The following AASS variants were observed in gnomAD, a reference collection of about 807,000 sequenced individuals.
The protein encoded by AASS is aminoadipate-semialdehyde synthase, also known as alpha-aminoadipic semialdehyde synthase, mitochondrial.
Under a neutral mutation model 105.4 loss-of-function variants are expected in AASS, and 86 were observed. The observed-to-expected ratio is 0.82, with a 90% CI of 0.69 to 0.98. The LOEUF is 0.98. Ranked by LOEUF, AASS falls within the 50% of genes least tolerant of loss-of-function variation. AASS has a pLI of 0.00. For missense variants in AASS, 1,048 were observed against 1,143.2 expected, an observed-to-expected ratio of 0.92 and a Z score of 1.20; for synonymous variants, 381 against 394.8, an observed-to-expected ratio of 0.96 and a Z score of 0.41.
In AASS at chr7:122,104,769, A is replaced by G. The variant is rs1459595601; in HGVS notation, c.1279-3089T>C. Among the ~76,000 whole-genome samples, 4 of 152,052 alleles carry G rather than the reference A, an allele frequency of 2.6e-5. No homozygotes were observed. The East Asian group carries it at 7.7e-4, about 29-fold the overall frequency. On this transcript the variant is annotated intron_variant, in intron 11 of 23. Transcript: ENST00000417368. ...AGAAGGGAACAATAGAAACCAGGGT[A>G]TACTTGAGGGTGGAGGATGGGAGGA...
In AASS at chr7:122,113,652, G is replaced by T. The variant is rs756845651; in HGVS notation, c.1112C>A (p.Thr371Lys). Residue 371 changes from threonine to lysine, a missense_variant, in exon 10 of 24, where the codon ACA (threonine) becomes AAA (lysine). Transcript: ENST00000417368. ...ATACATGCAAAAGGGATGCTCTATT[G>T]TTGTACACTCAGTCATAAACTCTAT... ...GSIEFMTECT[T>K]IEHPFCMYDA... 1 of 1,613,574 alleles carries T rather than the reference G, an allele frequency of 6.2e-7. No individual in the cohort carries two copies. Among genetic ancestry groups the T allele is most frequent in the Middle Eastern group, 1.7e-4 (1 of 6,056 alleles).
intron 2 of AASS, among the ~76,000 whole-genome samples, chr7:122,132,677 A>C (rs1795964914): frequency 1.3e-5 from 2 of 152,154 alleles, no homozygotes; most frequent in African/African-American, 2.4e-5. Context: ...CATGCCAAAC[A>C]TTTTTGGCAT....
chr7:122,088,378 G>A (rs1348790546), intron 18 of AASS, among the ~76,000 whole-genome samples: 3 of 151,912 alleles, frequency 2.0e-5, no homozygotes, highest in Non-Finnish European at 4.4e-5. Context: ...GCCTTGTACT[G>A]GGCATTATCT....
intron 1 of AASS, among the ~76,000 whole-genome samples, chr7:122,142,437 T>C (rs2150561557): frequency 6.6e-6 from 1 of 152,240 alleles, no homozygotes; most frequent in African/African-American, 2.4e-5. Flanking sequence ...CCTTACATTA[T>C]TTTGGAAAAA....
Position 122,118,699 on chromosome 7 carries a change from T to G in AASS, c.473-69A>C, listed in dbSNP as rs576941690. The G allele has an allele frequency of 1.5e-4, 229 of 1,480,478 alleles. No individual in the cohort carries two copies. The African/African-American group carries it at 2.8e-3, about 18-fold the overall frequency. The allele number at this position is 1,480,478 out of a possible 1,614,324, so 91.7% of individuals were successfully genotyped here. A position where few individuals can be genotyped will look rare whatever the true frequency, so the allele number is the denominator to read the frequency against. Reference sequence around the variant, plus strand: ...AATTTAAGCTGTTCTCTCTGCTCGTTCTCCAATCTGCATGGTGCCCTGCAG... The same window carrying G: ...AATTTAAGCTGTTCTCTCTGCTCGTGCTCCAATCTGCATGGTGCCCTGCAG... On this transcript the variant is annotated intron_variant, in intron 4 of 23. Coordinates refer to ENST00000417368, the MANE Select transcript of AASS (RefSeq NM_005763.4).
At position 122,116,737 on chromosome 7, in the gene AASS, C is replaced by A; in HGVS notation, c.790G>T (p.Val264Leu). 6.2e-7 allele frequency: 1 copy of A among 1,614,040 alleles called. No individual in the cohort carries two copies. The highest frequency in any genetic ancestry group is 2.2e-5 in the East Asian group (1 of 44,868). The change falls in exon 8 of 24, where the codon GTG (valine) becomes TTG (leucine). Residue 264 changes from valine (V) to leucine (L), a missense_variant. Coordinates refer to ENST00000417368, the MANE Select transcript of AASS (RefSeq NM_005763.4). ...ACAAGATGATGATGACGACTTAACACCGTCCCATACACTTTTCTGAGGTCT... is the reference window on the plus strand; with the variant it reads ...ACAAGATGATGATGACGACTTAACAACGTCCCATACACTTTTCTGAGGTCT... ...TGDLRKVYGT[V>L]LSRHHHLVRK...
chr7:122,105,109 C>A (rs1794604901), intron 11 of AASS, among the ~76,000 whole-genome samples: 1 of 151,986 alleles, frequency 6.6e-6, no homozygotes, highest in African/African-American at 2.4e-5. Context: ...AAAAACTTAA[C>A]ACAAAAATTT....
intron 17 of AASS, 40 bp from the exon 18 acceptor site, chr7:122,091,883 A>T (rs1562911919): frequency 7.1e-7 from 1 of 1,400,044 alleles, no homozygotes; most frequent in African/African-American, 1.4e-5. Context: ...AGAATTCACA[A>T]CTTAGAGAAT....
In AASS at chr7:122,079,631, C is replaced by T. The variant is rs577357909; in HGVS notation, c.2362G>A (p.Gly788Arg). Reference sequence around the variant, plus strand: ...GCCTCCAACTGGGTATTGTCTCCTCCTAGTTTCTTAAGAACAGCTTCCTTC... The same window carrying T: ...GCCTCCAACTGGGTATTGTCTCCTCTTAGTTTCTTAAGAACAGCTTCCTTC... The part of the protein sequence containing the change: ...VLKEAVLKKL[G>R]GDNTQLEAAE... Residue 788 changes from glycine to arginine, a missense_variant, in exon 21 of 24, where the codon GGA becomes AGA. Transcript: ENST00000417368. 5 of 1,613,970 alleles carry T rather than the reference C, an allele frequency of 3.1e-6. No individual in the cohort carries two copies. In the South Asian group the frequency reaches 5.5e-5, roughly 18 times the overall value.
intron 22 of AASS, among the ~76,000 whole-genome samples, chr7:122,078,557 G>A (rs998120448): frequency 6.6e-6 from 1 of 152,096 alleles, no homozygotes; most frequent in Non-Finnish European, 1.5e-5. Context: ...GGTACAGTGA[G>A]CCGAGATGGA....
At chr7:122,138,063 G>A (rs182352604) in intron 1 of AASS, among the ~76,000 whole-genome samples, 1 of 152,290 alleles carries the variant, frequency 6.6e-6, no homozygotes, top group East Asian at 1.9e-4. Context: ...CTGATGAATT[G>A]TAACAGTCTT....
chr7:122,098,560 A>T lies in AASS; in HGVS notation c.1545T>A (p.Asn515Lys). The change falls in exon 15 of 24, where the codon AAT becomes AAA. Residue 515 changes from asparagine (N) to lysine (K), a missense_variant. Transcript: ENST00000417368. ...ATTTCTTGCCTAACTGTTCAATTTG[A>T]TTCTTCATGTCAGATCCTATTTCAG... ...IEITVGSDMK[N>K]QIEQLGKKYN... is the part of the protein sequence containing the mutation. 1 of 1,609,368 alleles carries T rather than the reference A, an allele frequency of 6.2e-7. No individual in the cohort carries two copies. Among genetic ancestry groups the T allele is most frequent in the African/African-American group, 1.3e-5 (1 of 74,852 alleles).
chr7:122,124,744 T>G (rs768926563), intron 4 of AASS, among the ~76,000 whole-genome samples: 4 of 152,182 alleles, frequency 2.6e-5, no homozygotes, highest in Non-Finnish European at 5.9e-5. Flanking sequence ...GTATTAATTC[T>G]GTCTAGGTAA....
chr7:122,133,412 G>A, intron 2 of AASS, 105 bp downstream of exon 2: 1 of 1,239,780 alleles, frequency 8.1e-7, no homozygotes, highest in African/African-American at 1.5e-5. Flanking sequence ...TCAAAGTAAA[G>A]AAATCAAAGT....
intron 22 of AASS, among the ~76,000 whole-genome samples, chr7:122,078,523 A>C (rs1275563459): frequency 6.7e-6 from 1 of 149,608 alleles, no homozygotes; most frequent in Non-Finnish European, 1.5e-5. Flanking sequence ...GAGGCAGGAG[A>C]ATCTCTTGAA....
chr7:122,133,407 G>T (rs1365653834), intron 2 of AASS, 110 bp downstream of exon 2: 6 of 1,201,870 alleles, frequency 5.0e-6, no homozygotes, highest in Non-Finnish European at 6.1e-6. Context: ...TTTAATCAAA[G>T]TAAAGAAATC....
At position 122,112,413 on chromosome 7, in the gene AASS, A is replaced by G. The variant is rs377083695; in HGVS notation, c.1278+705T>C. Reference sequence around the variant, plus strand: ...ACTATTTGAAAGAAAAGAGGATCACAGACTGGAAATTTCATTTATTCTTGC... The same window carrying G: ...ACTATTTGAAAGAAAAGAGGATCACGGACTGGAAATTTCATTTATTCTTGC... On this transcript the variant is annotated intron_variant, in intron 11 of 23. Coordinates refer to ENST00000417368, the MANE Select transcript of AASS (RefSeq NM_005763.4). Among the ~76,000 whole-genome samples the G allele has an allele frequency of 1.1e-4, 16 of 152,326 alleles. No individual in the cohort carries two copies. In the South Asian group the frequency reaches 2.1e-3, roughly 20 times the overall value.
chr7:122,133,749 G>A lies in AASS; in HGVS notation c.-15-8C>T. 2 of 1,611,994 alleles carry A rather than the reference G, an allele frequency of 1.2e-6. No individual in the cohort carries two copies. The highest frequency in any genetic ancestry group is 1.7e-6 in the Non-Finnish European group (2 of 1,178,476). On this transcript the variant is annotated splice_region_variant and splice_polypyrimidine_tract_variant and intron_variant, in intron 1 of 23. Transcript: ENST00000417368. ...CATCTTGACACCTGGTGACTGTAAA[G>A]ACAATGTAAAGAGCAGAGCAACAAA...
chr7:122,079,218 T>C (rs548234015), intron 21 of AASS: 384 of 1,378,878 alleles, frequency 2.8e-4, no homozygotes, highest in Middle Eastern at 2.8e-3. Context: ...AAGATCTTTA[T>C]GAGATTAATT....
Sources: gnomAD v4.1 joint callset for allele counts (sites outside exome capture counted in the v4.1 genomes callset) on GRCh38, gnomAD v4.1.1 for gene constraint, MANE v1.5 for transcripts, NCBI Gene and HGNC (gene_info 2026-07-23, HGNC 2026-07-21) for gene names.